PHACTR1: variants seen among roughly 807,000 people sequenced by gnomAD.
The protein encoded by PHACTR1 is RPEL repeat containing 1.
In PHACTR1, 16 loss-of-function variants were observed where a neutral mutation model predicts 69.2. The observed-to-expected ratio is 0.23, with a 90% confidence interval of 0.16 to 0.35. The LOEUF (loss-of-function observed/expected upper bound fraction) is 0.35. PHACTR1 is among the 10% of genes least tolerant of loss of function. PHACTR1 has a pLI of 1.00. For missense variants in PHACTR1, 510 were observed against 734.7 expected (o/e 0.69, Z 3.54); for synonymous variants, 312 against 284.5 (o/e 1.10, Z -0.97).
intron 4 of PHACTR1, among the ~76,000 whole-genome samples, chr6:12,897,719 A>ATTAT (rs1048793483): frequency 2.0e-5 from 3 of 150,844 alleles, no homozygotes; most frequent in Non-Finnish European, 4.4e-5. Flanking sequence ...TATTATTATT[A>ATTAT]TTATTATTAT....
At chr6:12,769,893 G>C (rs1769161586) in intron 4 of PHACTR1, among the ~76,000 whole-genome samples, 1 of 152,220 alleles carries the variant, frequency 6.6e-6, no homozygotes, top group Non-Finnish European at 1.5e-5. Flanking sequence ...GAAGCAATTT[G>C]TCCCACGCCA....
chr6:13,056,914 G>A (rs1179345656), intron 5 of PHACTR1, among the ~76,000 whole-genome samples: 1 of 152,142 alleles, frequency 6.6e-6, no homozygotes, highest in Non-Finnish European at 1.5e-5. Flanking sequence ...TGGTTAAACT[G>A]ACTTACCAGG....
At chr6:13,120,404 G>A (rs953310687) in intron 5 of PHACTR1, among the ~76,000 whole-genome samples, 2 of 152,146 alleles carry the variant, frequency 1.3e-5, no homozygotes, top group Non-Finnish European at 2.9e-5. Flanking sequence ...TTCTTGGCAT[G>A]GAGAGTTAAT....
chr6:13,122,142 T>C (rs1583454072), intron 5 of PHACTR1, among the ~76,000 whole-genome samples: 2 of 152,176 alleles, frequency 1.3e-5, no homozygotes, highest in East Asian at 1.9e-4. Flanking sequence ...AATAGAATAC[T>C]TGCCCGCACT....
Position 13,045,593 on chromosome 6 carries a change from AGGATTTAT to A in PHACTR1, c.251-7767_251-7760del, listed in dbSNP as rs543034707. Among the ~76,000 whole-genome samples, 23 of 152,354 alleles carry A rather than the reference AGGATTTAT, an allele frequency of 1.5e-4. No individual in the cohort carries two copies. The South Asian group carries it at 3.9e-3, about 26-fold the overall frequency. On this transcript the variant is annotated intron_variant, in intron 4 of 14. Coordinates refer to ENST00000332995, the MANE Select transcript of PHACTR1 (RefSeq NM_030948.6). ...TAAAATTAGTACATCTTAGGGCACC[AGGATTTAT>A]GGATGTTCTTGTATTCTTGGCTGTC...
intron 4 of PHACTR1, among the ~76,000 whole-genome samples, chr6:12,912,020 C>T (rs905575283): frequency 1.8e-4 from 28 of 152,130 alleles, no homozygotes; most frequent in East Asian, 5.8e-4. Flanking sequence ...TTATTTGAGA[C>T]GGAATCTCGC....
At chr6:12,977,374 TCTC>T (rs1795017575) in intron 4 of PHACTR1, among the ~76,000 whole-genome samples, 1 of 71,860 alleles carries the variant, frequency 1.4e-5, no homozygotes, top group African/African-American at 5.3e-5. Context: ...CTTCTCTCTC[TCTC>T]TTTCACACAC....
rs372445819 is a variant in PHACTR1, at chr6:13,287,167, C to T, written c.*89C>T. The T allele has an allele frequency of 1.6e-4, 194 of 1,247,758 alleles. 2 individuals are homozygous for T. In the Middle Eastern group the frequency reaches 1.7e-3, roughly 11 times the overall value. The allele number at this position is 1,247,758 out of a possible 1,614,324, so 77.3% of individuals were successfully genotyped here. A position where few individuals can be genotyped will look rare whatever the true frequency, so the allele number is the denominator to read the frequency against. ...CTGGTATTTATTCACTTCCCCATTA[C>T]GATGTAAATCTTCTGAACTGCCTTT... On this transcript the variant is annotated 3_prime_UTR_variant, in exon 15 of 15. Transcript: ENST00000332995.
chr6:13,188,599 C>T (rs1763109336), intron 7 of PHACTR1, among the ~76,000 whole-genome samples: 1 of 152,202 alleles, frequency 6.6e-6, no homozygotes, highest in Admixed American at 6.5e-5. Flanking sequence ...AATTCACAGT[C>T]AGGGAAAGTC....
chr6:12,857,917 T>C (rs1282151890), intron 4 of PHACTR1, among the ~76,000 whole-genome samples: 2 of 152,198 alleles, frequency 1.3e-5, no homozygotes, highest in Non-Finnish European at 2.9e-5. Context: ...TTACCACTTA[T>C]TCACAGTCAT....
chr6:12,958,006 G>A, intron 4 of PHACTR1: 1 of 985,454 alleles, frequency 1.0e-6, no homozygotes, highest in Non-Finnish European at 1.2e-6. Flanking sequence ...GCGGATGCAT[G>A]TGGGAGCAAA....
intron 4 of PHACTR1, among the ~76,000 whole-genome samples, chr6:13,041,343 C>CACACACAT (rs1458038334): frequency 8.2e-6 from 1 of 121,378 alleles, no homozygotes; most frequent in African/African-American, 4.9e-5. Context: ...AATACATACA[C>CACACACAT]ACACACACAC....
chr6:12,825,331 A>G (rs1776680366), intron 4 of PHACTR1, among the ~76,000 whole-genome samples: 1 of 151,616 alleles, frequency 6.6e-6, no homozygotes, highest in Non-Finnish European at 1.5e-5. Flanking sequence ...AAAAAAAAAA[A>G]GTGTTTAGAA....
chr6:12,721,620 A>C (rs534785901), intron 3 of PHACTR1, among the ~76,000 whole-genome samples: 6 of 152,256 alleles, frequency 3.9e-5, no homozygotes, highest in African/African-American at 9.6e-5. Flanking sequence ...TAAAGATGAG[A>C]GTCCCTCTCC....
At chr6:12,982,083 T>TTGCA (rs1795591542) in intron 4 of PHACTR1, among the ~76,000 whole-genome samples, 2 of 152,202 alleles carry the variant, frequency 1.3e-5, no homozygotes, top group African/African-American at 4.8e-5. Context: ...GATTAGATGT[T>TTGCA]TGCATATTGA....
At chr6:12,787,239 G>C (rs761620491) in intron 4 of PHACTR1, among the ~76,000 whole-genome samples, 6 of 152,198 alleles carry the variant, frequency 3.9e-5, no homozygotes, top group Admixed American at 1.3e-4. Context: ...AAAGGTTGCT[G>C]TTTTAAAGTT....
At chr6:13,272,606 A>G (rs1269810463) in intron 10 of PHACTR1, 11 of 1,056,552 alleles carry the variant, frequency 1.0e-5, no homozygotes, top group Non-Finnish European at 1.4e-5. Flanking sequence ...CCACTGGAGG[A>G]GATGGGGCTG....
intron 4 of PHACTR1, among the ~76,000 whole-genome samples, chr6:12,784,744 C>T (rs951841782): frequency 2.0e-5 from 3 of 151,234 alleles, no homozygotes; most frequent in Non-Finnish European, 4.4e-5. Flanking sequence ...TTTTGAGTTT[C>T]GCTCTTGTTG....
At chr6:13,213,690 A>T (rs1359086790) in intron 8 of PHACTR1, among the ~76,000 whole-genome samples, 1 of 152,210 alleles carries the variant, frequency 6.6e-6, no homozygotes, top group Non-Finnish European at 1.5e-5. Flanking sequence ...ACTGGACTTC[A>T]CACAGCAGCA....
Sources: gnomAD v4.1 joint callset for allele counts (sites outside exome capture counted in the v4.1 genomes callset) on GRCh38, gnomAD v4.1.1 for gene constraint, MANE v1.5 for transcripts, NCBI Gene and HGNC (gene_info 2026-07-23, HGNC 2026-07-21) for gene names.